The following LHFPL3 variants were observed in gnomAD, a reference collection of about 807,000 sequenced individuals.
LHFPL3 encodes the protein LHFPL tetraspan subfamily member 3 protein.
A neutral mutation model predicts 19.3 loss-of-function variants in LHFPL3; 5 were observed. That is an observed-to-expected ratio of 0.26 (90% confidence interval 0.14 to 0.54). The LOEUF is 0.54. Among genes scored for constraint, LHFPL3 ranks in the 20% least tolerant of loss-of-function variants. LHFPL3 has a pLI of 0.94. For missense variants in LHFPL3, 249 were observed against 307.4 expected, an observed-to-expected ratio of 0.81 and a Z score of 1.42; for synonymous variants, 133 against 126.2, an observed-to-expected ratio of 1.05 and a Z score of -0.36.
chr7:104,766,369 G>A (rs1451731676), intron 2 of LHFPL3, among the ~76,000 whole-genome samples: 1 of 152,178 alleles, frequency 6.6e-6, no homozygotes, highest in Non-Finnish European at 1.5e-5. Context: ...AGCCACTAGG[G>A]ACATGAACCA....
At chr7:104,677,118 G>A (rs1792606281) in intron 1 of LHFPL3, among the ~76,000 whole-genome samples, 2 of 152,218 alleles carry the variant, frequency 1.3e-5, no homozygotes, top group South Asian at 4.1e-4. Flanking sequence ...GCTCATGCCT[G>A]TAATCTCAGC....
rs559249870 is a variant in LHFPL3 at position 104,371,053 on chromosome 7, C to A, written c.445+41829C>A. Among the ~76,000 whole-genome samples the A allele has an allele frequency of 3.3e-5, 5 of 152,240 alleles. No individual in the cohort carries two copies. The East Asian group carries it at 9.7e-4, about 29-fold the overall frequency. ...TATCCAACATATATTGTAATAAATG[C>A]ATGGTTTGCCAGCAAAGCCCTTCCT... On this transcript the variant is annotated intron_variant, in intron 1 of 2. Transcript: ENST00000424859.
chr7:104,335,109 G>A (rs1789768504), intron 1 of LHFPL3, among the ~76,000 whole-genome samples: 1 of 152,178 alleles, frequency 6.6e-6, no homozygotes, highest in African/African-American at 2.4e-5. Context: ...GCTCTGAAGA[G>A]GGGACAGAAC....
At chr7:104,488,495 A>T (rs1793278393) in intron 1 of LHFPL3, among the ~76,000 whole-genome samples, 1 of 152,156 alleles carries the variant, frequency 6.6e-6, no homozygotes, top group South Asian at 2.1e-4. Flanking sequence ...CCCAGGACAT[A>T]TATTTTCACT....
intron 2 of LHFPL3, among the ~76,000 whole-genome samples, chr7:104,888,026 G>C (rs2251044): frequency 0.9 from 137,501 of 152,260 alleles, 62,318 homozygotes; most frequent in East Asian, 1. Flanking sequence ...ATTCTGGCAG[G>C]TGGCACTTCA....
chr7:104,416,101 T>G (rs1791616717), intron 1 of LHFPL3, among the ~76,000 whole-genome samples: 1 of 152,172 alleles, frequency 6.6e-6, no homozygotes, highest in Non-Finnish European at 1.5e-5. Context: ...TGCAGTCAGG[T>G]GGGTTCTTAA....
At chr7:104,666,538 T>G (rs1430151769) in intron 1 of LHFPL3, among the ~76,000 whole-genome samples, 4 of 94,670 alleles carry the variant, frequency 4.2e-5, no homozygotes, top group African/African-American at 1.5e-4. Context: ...TTTTTTTTTT[T>G]TGAGACGGAG....
At chr7:104,549,755 C>G (rs1056346256) in intron 1 of LHFPL3, among the ~76,000 whole-genome samples, 1 of 152,122 alleles carries the variant, frequency 6.6e-6, no homozygotes, top group Non-Finnish European at 1.5e-5. Context: ...TATAATTCAA[C>G]TTATTATGTT....
chr7:104,336,345 T>A (rs1789809987), intron 1 of LHFPL3, among the ~76,000 whole-genome samples: 1 of 152,132 alleles, frequency 6.6e-6, no homozygotes, highest in African/African-American at 2.4e-5. Flanking sequence ...CTCAGCATCC[T>A]AAATGTTTAC....
chr7:104,486,160 A>G (rs1455162369), intron 1 of LHFPL3, among the ~76,000 whole-genome samples: 1 of 152,210 alleles, frequency 6.6e-6, no homozygotes, highest in Non-Finnish European at 1.5e-5. Flanking sequence ...AACTTTGGTA[A>G]TTTATGTATT....
chr7:104,557,471 A>G (rs982318041), intron 1 of LHFPL3, among the ~76,000 whole-genome samples: 10 of 152,062 alleles, frequency 6.6e-5, no homozygotes, highest in Non-Finnish European at 8.8e-5. Flanking sequence ...AGAACATGAG[A>G]ACAGCGCAGG....
At chr7:104,617,440 C>A (rs1791367941) in intron 1 of LHFPL3, among the ~76,000 whole-genome samples, 1 of 152,206 alleles carries the variant, frequency 6.6e-6, no homozygotes, top group Admixed American at 6.5e-5. Flanking sequence ...ATATTTAATT[C>A]ATCCCTTCCA....
At chr7:104,835,764 A>T (rs200401566) in intron 2 of LHFPL3, among the ~76,000 whole-genome samples, 87 of 55,064 alleles carry the variant, frequency 1.6e-3, no homozygotes, top group Non-Finnish European at 4.1e-3. Context: ...AATTATTATT[A>T]TTTTTTTTTA....
At chr7:104,824,600 TTA>T (rs1790776121) in intron 2 of LHFPL3, among the ~76,000 whole-genome samples, 2 of 68,086 alleles carry the variant, frequency 2.9e-5, no homozygotes, top group East Asian at 4.2e-4. Flanking sequence ...TAATTATATA[TTA>T]TATATAATTA....
At chr7:104,618,632 A>G (rs978092909) in intron 1 of LHFPL3, among the ~76,000 whole-genome samples, 2 of 152,068 alleles carry the variant, frequency 1.3e-5, no homozygotes, top group African/African-American at 4.8e-5. Context: ...GGGTTATGTC[A>G]TAGACCTAGA....
rs192222430 is a variant in LHFPL3 at position 104,740,873 on chromosome 7, G to A, written c.682+3962G>A. Among the ~76,000 whole-genome samples, 141 of 152,264 alleles carry A rather than the reference G, an allele frequency of 9.3e-4. 1 individual carries two copies. Among genetic ancestry groups the A allele is most frequent in the Non-Finnish European group, 1.0e-4 (7 of 68,020 alleles). On this transcript the variant is annotated intron_variant, in intron 2 of 2. Coordinates refer to ENST00000424859, the MANE Select transcript of LHFPL3 (RefSeq NM_199000.3). ...TTCAGGCTTTCTAAGTGTCATTGCAGCAAGGATATTGCTTAGATCCATGAA... is the reference window on the plus strand; with the variant it reads ...TTCAGGCTTTCTAAGTGTCATTGCAACAAGGATATTGCTTAGATCCATGAA...
intron 1 of LHFPL3, among the ~76,000 whole-genome samples, chr7:104,548,109 A>G (rs1156328142): frequency 6.6e-6 from 1 of 152,178 alleles, no homozygotes; most frequent in Non-Finnish European, 1.5e-5. Flanking sequence ...TATCCTGATC[A>G]ATATTTTTGT....
intron 1 of LHFPL3, among the ~76,000 whole-genome samples, chr7:104,365,090 G>C (rs1303592743): frequency 2.0e-5 from 3 of 151,962 alleles, no homozygotes; most frequent in Non-Finnish European, 4.4e-5. Context: ...ACCTGAGGTC[G>C]AGATTTCGAG....
At chr7:104,744,947 A>G (rs1794012090) in intron 2 of LHFPL3, among the ~76,000 whole-genome samples, 1 of 149,780 alleles carries the variant, frequency 6.7e-6, no homozygotes, top group South Asian at 2.1e-4. Context: ...TTTAAATAAC[A>G]TCTATATTCT....
Sources: allele counts gnomAD v4.1 joint callset (sites outside exome capture counted in the v4.1 genomes callset), GRCh38; gene constraint gnomAD v4.1.1; transcripts MANE v1.5; gene names NCBI Gene and HGNC (gene_info 2026-07-23, HGNC 2026-07-21).